Variants in SYTL2 observed in about 807,000 individuals in gnomAD.
SYTL2 encodes synaptotagmin like 2.
In SYTL2, 165 loss-of-function variants were observed where a neutral mutation model predicts 198.7. The ratio of observed to expected loss-of-function variants is 0.83; its 90% CI spans 0.73 to 0.94. The LOEUF is 0.94. Among genes scored for constraint, SYTL2 ranks in the 40% least tolerant of loss-of-function variants. The probability of loss-of-function intolerance (pLI) is 0.00; values close to 1 mark genes in which losing one functional copy is unlikely to be tolerated. For synonymous variants in SYTL2, 966 were observed against 917.7 expected, an observed-to-expected ratio of 1.05 and a Z score of -0.95; for missense variants, 2,835 against 2,582.8, an observed-to-expected ratio of 1.10 and a Z score of -2.12.
In SYTL2 at chr11:85,726,473, A is replaced by G. The variant is rs377311067; in HGVS notation, c.2885T>C (p.Met962Thr). 3.1e-5 allele frequency: 50 copies of G among 1,611,764 alleles called. No individual in the cohort carries two copies. Among genetic ancestry groups the G allele is most frequent in the Non-Finnish European group, 4.1e-5 (48 of 1,180,004 alleles). ...TTCATCCATTCTTTCTTTTAGGGAC[A>G]TAACTTTAAAGTTGGCATTTGATTC... is the stretch of plus-strand genomic sequence containing the variant. ...VRESNANFKVMSLKERMDEPN... is the reference protein window; with the variant it reads ...VRESNANFKVTSLKERMDEPN... The change falls in exon 8 of 20, where the codon ATG becomes ACG. Residue 962 changes from methionine to threonine, a missense_variant. Met to Thr is a moderately conservative substitution (Grantham distance 81, BLOSUM62 -1). This residue lies in a region of SYTL2 where 2,645 missense variants were observed against 2,381.7 expected (regional missense o/e 1.11). Transcript: ENST00000359152.
At chr11:85,807,948 G>A (rs948007925) in intron 1 of SYTL2, among the ~76,000 whole-genome samples, 1 of 152,122 alleles carries the variant, frequency 6.6e-6, no homozygotes, top group Non-Finnish European at 1.5e-5. Flanking sequence ...CAGTCAAAAG[G>A]GCTGTATTTG....
At chr11:85,771,230 A>C (rs182777969) in intron 1 of SYTL2, among the ~76,000 whole-genome samples, 1 of 152,262 alleles carries the variant, frequency 6.6e-6, no homozygotes, top group African/African-American at 2.4e-5. Context: ...GTGTAGTCTA[A>C]GGATGGTTTC....
At chr11:85,785,477 A>G (rs1296642579) in intron 1 of SYTL2, among the ~76,000 whole-genome samples, 1 of 151,702 alleles carries the variant, frequency 6.6e-6, no homozygotes, top group South Asian at 2.1e-4. Flanking sequence ...ACAGTTTTAT[A>G]AAAAGAAAAA....
chr11:85,798,511 C>T (rs1462996351), intron 1 of SYTL2, among the ~76,000 whole-genome samples: 1 of 152,124 alleles, frequency 6.6e-6, no homozygotes, highest in Non-Finnish European at 1.5e-5. Flanking sequence ...TTTCATGGTG[C>T]GTTGAAGGGA....
At chr11:85,736,400 C>T in intron 6 of SYTL2, 101 bp downstream of exon 6, 1 of 645,946 alleles carries the variant, frequency 1.5e-6, no homozygotes, top group Non-Finnish European at 2.6e-6. Context: ...GGACTTTTCA[C>T]TTTCTCTTGG....
At chr11:85,818,952 G>T in the SYTL2 span, among the ~76,000 whole-genome samples, 5 of 152,050 alleles carry the variant, frequency 3.3e-5, no homozygotes, top group Non-Finnish European at 5.9e-5. Flanking sequence ...CCTTGAATAG[G>T]TCATTTAACC....
chr11:85,781,616 A>G (rs2092561038), intron 1 of SYTL2, among the ~76,000 whole-genome samples: 1 of 152,230 alleles, frequency 6.6e-6, no homozygotes, highest in South Asian at 2.1e-4. Flanking sequence ...ATCAAAAGGA[A>G]GTTAATTACT....
intron 2 of SYTL2, among the ~76,000 whole-genome samples, chr11:85,751,164 C>T (rs2091487532): frequency 1.3e-5 from 2 of 152,176 alleles, no homozygotes; most frequent in South Asian, 4.1e-4. Context: ...ACAGGAAATT[C>T]TTTCAAATGT....
At chr11:85,786,061 C>T (rs1276587379) in intron 1 of SYTL2, among the ~76,000 whole-genome samples, 1 of 152,154 alleles carries the variant, frequency 6.6e-6, no homozygotes, top group East Asian at 1.9e-4. Flanking sequence ...CCGTGGGATA[C>T]TACTAAGCAA....
chr11:85,839,569 C>G, the SYTL2 span, among the ~76,000 whole-genome samples: 85 of 152,304 alleles, frequency 5.6e-4, no homozygotes, highest in Admixed American at 4.5e-3. Flanking sequence ...GCTTATTTCA[C>G]TTAACATAAT....
At chr11:85,745,942 C>G (rs2091127880) in intron 3 of SYTL2, among the ~76,000 whole-genome samples, 170 bp from the exon 4 acceptor site, 1 of 152,098 alleles carries the variant, frequency 6.6e-6, no homozygotes, top group South Asian at 2.1e-4. Flanking sequence ...AGAGAGAAGT[C>G]AGTAAATTCC....
the SYTL2 span, chr11:85,853,343 G>A: frequency 4.5e-6 from 2 of 444,832 alleles, no homozygotes; most frequent in African/African-American, 4.1e-5. Context: ...TTGGGATGCT[G>A]TTGATCTATG....
chr11:85,725,808 C>T lies in SYTL2; in HGVS notation c.3550G>A (p.Val1184Ile). 1 of 1,614,114 alleles carries T rather than the reference C, an allele frequency of 6.2e-7. No homozygotes were observed. Among genetic ancestry groups the T allele is most frequent in the Non-Finnish European group, 8.5e-7 (1 of 1,179,972 alleles). ...TTAATGATCTTCTCAGGTCCTTTGACTTCTTCCTCAGTATCAGCAAAATCT... is the reference window on the plus strand; with the variant it reads ...TTAATGATCTTCTCAGGTCCTTTGATTTCTTCCTCAGTATCAGCAAAATCT... ...KTDFADTEEEVKGPEKIINEH... is the reference protein window; with the variant it reads ...KTDFADTEEEIKGPEKIINEH... The change falls in exon 8 of 20, where the codon GTC (valine) becomes ATC (isoleucine). Residue 1184 changes from valine (V) to isoleucine (I), a missense_variant. This residue lies in a region of SYTL2 where 2,645 missense variants were observed against 2,381.7 expected (regional missense o/e 1.11). Coordinates refer to ENST00000359152, the MANE Select transcript of SYTL2 (RefSeq NM_206927.4).
At chr11:85,775,488 A>G (rs1195476011) in intron 1 of SYTL2, among the ~76,000 whole-genome samples, 2 of 151,922 alleles carry the variant, frequency 1.3e-5, no homozygotes, top group African/African-American at 2.4e-5. Context: ...CCATTTATTT[A>G]TTTATTTATT....
At chr11:85,803,520 T>C (rs1013975655) in intron 1 of SYTL2, among the ~76,000 whole-genome samples, 4 of 151,750 alleles carry the variant, frequency 2.6e-5, no homozygotes, top group South Asian at 2.1e-4. Flanking sequence ...TGGAAGATTA[T>C]GTTAAGCCCA....
intron 1 of SYTL2, 139 bp downstream of exon 1, chr11:85,810,815 C>A (rs1414708911): frequency 6.6e-6 from 1 of 152,290 alleles, no homozygotes; most frequent in African/African-American, 2.4e-5. Context: ...CATTTTAGAA[C>A]TGGTTAGACT....
intron 14 of SYTL2, chr11:85,707,977 C>CAAAA (rs2085492769): frequency 1.1e-5 from 1 of 91,500 alleles, no homozygotes; most frequent in Non-Finnish European, 2.4e-5. Flanking sequence ...AAAAAAAAAC[C>CAAAA]ACACACACAC....
intron 13 of SYTL2, 132 bp downstream of exon 13, chr11:85,710,981 T>G (rs1192648293): frequency 2.1e-6 from 2 of 931,326 alleles, no homozygotes; most frequent in African/African-American, 3.4e-5. Flanking sequence ...AGCCAGAAGC[T>G]AATTATGGAT....
the SYTL2 span, chr11:85,853,071 C>G: frequency 2.0e-5 from 6 of 295,496 alleles, no homozygotes; most frequent in Non-Finnish European, 4.0e-5. Flanking sequence ...GCCGCCTCCC[C>G]GTCCGGGAGG....
Sources: gnomAD v4.1 joint callset for allele counts (sites outside exome capture counted in the v4.1 genomes callset) on GRCh38, gnomAD v4.1.1 for gene constraint, gnomAD v4.1.1 regional missense constraint, MANE v1.5 for transcripts, NCBI Gene and HGNC (gene_info 2026-07-23, HGNC 2026-07-21) for gene names.